Variants in DHX35 observed in about 807,000 individuals in gnomAD.
The protein encoded by DHX35 is probable ATP-dependent RNA helicase DHX35.
A neutral mutation model predicts 99.6 loss-of-function variants in DHX35; 84 were observed. The observed-to-expected ratio is 0.84, with a 90% CI of 0.71 to 1.01. The LOEUF (loss-of-function observed/expected upper bound fraction) is 1.01, where lower values mean the gene tolerates loss of function less well. Among genes scored for constraint, DHX35 ranks in the 50% least tolerant of loss-of-function variants. DHX35 has a pLI of 0.00. For missense variants in DHX35, 852 were observed against 888.5 expected (o/e 0.96, Z 0.52); for synonymous variants, 331 against 316.2 (o/e 1.05, Z -0.50).
chr20:38,983,340 A>G (rs184393112), intron 3 of DHX35, among the ~76,000 whole-genome samples: 76 of 152,302 alleles, frequency 5.0e-4, no homozygotes, highest in Non-Finnish European at 1.0e-3. Context: ...AGCCATCTCT[A>G]TATGTGCTTA....
At chr20:38,977,501 T>A (rs532504112) in intron 3 of DHX35, among the ~76,000 whole-genome samples, 1 of 152,322 alleles carries the variant, frequency 6.6e-6, no homozygotes, top group African/African-American at 2.4e-5. Flanking sequence ...CTCCCCACCA[T>A]TTCCATGTCT....
intron 1 of DHX35, 51 bp downstream of exon 1, chr20:38,962,458 T>C: frequency 6.3e-7 from 1 of 1,595,378 alleles, no homozygotes; most frequent in Non-Finnish European, 8.5e-7. Context: ...GACTTCGGTC[T>C]TGGCGCCGCG....
chr20:39,020,109 C>G (rs760064367), intron 15 of DHX35, among the ~76,000 whole-genome samples: 1 of 152,166 alleles, frequency 6.6e-6, no homozygotes, highest in African/African-American at 2.4e-5. Context: ...TGTGTGTGTA[C>G]ATATTTATAT....
chr20:38,982,404 C>G (rs901415224), intron 3 of DHX35, among the ~76,000 whole-genome samples: 1 of 152,224 alleles, frequency 6.6e-6, no homozygotes, highest in African/African-American at 2.4e-5. Flanking sequence ...CTTTTCTTCT[C>G]CACCCCCTGC....
At chr20:39,027,529 A>G (rs574806015) in intron 18 of DHX35, among the ~76,000 whole-genome samples, 1 of 152,382 alleles carries the variant, frequency 6.6e-6, no homozygotes, top group Non-Finnish European at 1.5e-5. Flanking sequence ...ACAGAAGGTA[A>G]CACTTTTTGC....
intron 3 of DHX35, chr20:38,977,791 C>T (rs966867021): frequency 2.0e-5 from 10 of 497,224 alleles, no homozygotes; most frequent in Non-Finnish European, 3.8e-5. Context: ...TTGAAGGATT[C>T]TTGTCCTTTT....
chr20:39,009,081 C>T (rs936055734), intron 12 of DHX35, among the ~76,000 whole-genome samples: 1 of 152,194 alleles, frequency 6.6e-6, no homozygotes, highest in African/African-American at 2.4e-5. Context: ...CTTGAGTCCT[C>T]AGGAGAGCTT....
At chr20:38,976,076 A>G (rs550028221) in intron 3 of DHX35, among the ~76,000 whole-genome samples, 26 of 152,310 alleles carry the variant, frequency 1.7e-4, no homozygotes, top group African/African-American at 6.3e-4. Context: ...TGGGAAGGAG[A>G]AAGAGCAGAG....
chr20:39,012,234 G>A (rs1416485470), intron 13 of DHX35, among the ~76,000 whole-genome samples: 1 of 152,082 alleles, frequency 6.6e-6, no homozygotes, highest in Non-Finnish European at 1.5e-5. Flanking sequence ...GGGCAATAGG[G>A]TGAGACTCTT....
chr20:39,024,628 G>A (rs2086923675), intron 17 of DHX35, among the ~76,000 whole-genome samples: 1 of 152,082 alleles, frequency 6.6e-6, no homozygotes, highest in Non-Finnish European at 1.5e-5. Context: ...TTATTCTATG[G>A]TTGCCTTCTT....
intron 16 of DHX35, 145 bp downstream of exon 16, chr20:39,022,080 G>A: frequency 1.5e-6 from 1 of 665,660 alleles, no homozygotes; most frequent in Non-Finnish European, 2.5e-6. Flanking sequence ...CGTGCTTGAT[G>A]TTGTGTCAGG....
intron 20 of DHX35, among the ~76,000 whole-genome samples, chr20:39,031,457 C>T (rs554132614): frequency 6.6e-6 from 1 of 152,120 alleles, no homozygotes; most frequent in South Asian, 2.1e-4. Flanking sequence ...CTGCCTCAGC[C>T]ACCTGAGTAG....
chr20:38,985,183 G>A (rs1222784718), intron 4 of DHX35, among the ~76,000 whole-genome samples: 3 of 151,960 alleles, frequency 2.0e-5, no homozygotes, highest in Admixed American at 1.3e-4. Flanking sequence ...AGGAGTTTGA[G>A]AACAGCCTGG....
At chr20:38,970,911 G>A (rs1325581762) in intron 2 of DHX35, among the ~76,000 whole-genome samples, 1 of 151,892 alleles carries the variant, frequency 6.6e-6, no homozygotes, top group African/African-American at 2.4e-5. Context: ...GAAGAAGGGT[G>A]TAAGTTACTG....
chr20:39,019,062 C>G (rs1237927214), intron 15 of DHX35, among the ~76,000 whole-genome samples, 163 bp downstream of exon 15: 3 of 152,196 alleles, frequency 2.0e-5, no homozygotes, highest in African/African-American at 7.2e-5. Context: ...GTGTGTAGTT[C>G]TGTGATACAA....
At chr20:39,014,161 T>C (rs1196502651) in intron 13 of DHX35, among the ~76,000 whole-genome samples, 4 of 152,228 alleles carry the variant, frequency 2.6e-5, no homozygotes, top group South Asian at 2.1e-4. Flanking sequence ...AAACATCCTA[T>C]GCAGTTTAAA....
chr20:38,996,414 G>A (rs2086429815), intron 8 of DHX35, among the ~76,000 whole-genome samples: 1 of 152,206 alleles, frequency 6.6e-6, no homozygotes, highest in Non-Finnish European at 1.5e-5. Context: ...AAATGGGGAG[G>A]TTGGGGTCAG....
In DHX35 at chr20:39,010,260, T is replaced by C. The variant is rs1180422904; in HGVS notation, c.1223-20T>C. On this transcript the variant is annotated intron_variant, in intron 12 of 21. Coordinates refer to ENST00000252011, the MANE Select transcript of DHX35 (RefSeq NM_021931.4). Reference sequence around the variant, plus strand: ...GATTGTGACATTTGGTCCCAAACAGTTCTGATTTCCTATCCTCAGAGGAAG... The same window carrying C: ...GATTGTGACATTTGGTCCCAAACAGCTCTGATTTCCTATCCTCAGAGGAAG... 2 of 1,613,936 alleles carry C rather than the reference T, an allele frequency of 1.2e-6. No individual in the cohort carries two copies. Among genetic ancestry groups the C allele is most frequent in the Admixed American group, 1.7e-5 (1 of 60,010 alleles).
intron 17 of DHX35, among the ~76,000 whole-genome samples, chr20:39,024,528 C>G (rs765864543): frequency 1.3e-5 from 2 of 152,192 alleles, no homozygotes; most frequent in Non-Finnish European, 2.9e-5. Context: ...CGGCTTAAAT[C>G]AGTTAAAATT....
Sources: gnomAD v4.1 joint callset for allele counts (sites outside exome capture counted in the v4.1 genomes callset) on GRCh38, gnomAD v4.1.1 for gene constraint, MANE v1.5 for transcripts, NCBI Gene and HGNC (gene_info 2026-07-23, HGNC 2026-07-21) for gene names.